The following CACNA1C variants were observed in gnomAD, a reference collection of about 807,000 sequenced individuals.
The protein encoded by CACNA1C is voltage-dependent L-type calcium channel subunit alpha-1C.
Under a neutral mutation model 229.0 loss-of-function variants are expected in CACNA1C, and 30 were observed. The ratio of observed to expected loss-of-function variants is 0.13; its 90% CI spans 0.10 to 0.18. CACNA1C has a LOEUF of 0.18. Among genes scored for constraint, CACNA1C ranks in the 10% least tolerant of loss-of-function variants. The pLI is 1.00. For synonymous variants in CACNA1C, 1,114 were observed against 1,132.5 expected, an observed-to-expected ratio of 0.98 and a Z score of 0.33; for missense variants, 1,658 against 2,845.0, an observed-to-expected ratio of 0.58 and a Z score of 9.49.
At chr12:2,364,102 G>C (rs1355591061) in intron 3 of CACNA1C, among the ~76,000 whole-genome samples, 4 of 152,146 alleles carry the variant, frequency 2.6e-5, no homozygotes, top group African/African-American at 4.8e-5. Context: ...CCAGCCCCAA[G>C]GTCCACTGCA....
chr12:2,312,645 C>A (rs948411375), intron 3 of CACNA1C, among the ~76,000 whole-genome samples: 1 of 152,114 alleles, frequency 6.6e-6, no homozygotes, highest in Non-Finnish European at 1.5e-5. Context: ...AGGATAATGC[C>A]CAGAACTAAA....
intron 3 of CACNA1C, among the ~76,000 whole-genome samples, chr12:2,418,269 T>C (rs1236963207): frequency 6.6e-6 from 1 of 152,172 alleles, no homozygotes; most frequent in Non-Finnish European, 1.5e-5. Context: ...CTTTTGCCTT[T>C]GGATGGGGTC....
Position 2,639,742 on chromosome 12 carries a change from T to A in CACNA1C, c.3912+5362T>A, listed in dbSNP as rs557743401. ...GGTGTTTCCTGTCATCAGGCGCCCA[T>A]GGTGTCATGGGGATGCTTCCTCCAG... On this transcript the variant is annotated intron_variant, in intron 30 of 46. Coordinates refer to ENST00000399655, the MANE Select transcript of CACNA1C (RefSeq NM_000719.7). The surrounding 1 kb of genome is among the most constrained non-coding windows in gnomAD (Gnocchi z 4.2). Among the ~76,000 whole-genome samples, 1 of 152,230 alleles carries A rather than the reference T, an allele frequency of 6.6e-6. No individual in the cohort carries two copies. The highest frequency in any genetic ancestry group is 2.1e-4 in the South Asian group (1 of 4,806).
At chr12:2,059,586 C>T (rs1024060078) in intron 1 of CACNA1C, among the ~76,000 whole-genome samples, 1 of 152,054 alleles carries the variant, frequency 6.6e-6, no homozygotes, top group African/African-American at 2.4e-5. Context: ...AAATGGGCTT[C>T]TTGTGCTATA....
At chr12:2,052,473 C>A (rs996177557), upstream of CACNA1C, among the ~76,000 whole-genome samples, 1 of 151,986 alleles carries the variant, frequency 6.6e-6, no homozygotes, top group Non-Finnish European at 1.5e-5. Context: ...CCTTGGAATT[C>A]CGCTCACAGA....
intron 9 of CACNA1C, among the ~76,000 whole-genome samples, chr12:2,513,328 G>A (rs1003208263): frequency 1.8e-4 from 28 of 152,250 alleles, no homozygotes; most frequent in African/African-American, 5.8e-4. Flanking sequence ...GTTTGAAAGC[G>A]CAGGCTTGTT....
intron 1 of CACNA1C, among the ~76,000 whole-genome samples, chr12:2,100,985 A>G (rs1321992441): frequency 6.8e-6 from 1 of 146,188 alleles, no homozygotes; most frequent in Non-Finnish European, 1.5e-5. Flanking sequence ...CTGGGCGACA[A>G]GGGTGAGACC....
intron 3 of CACNA1C, among the ~76,000 whole-genome samples, chr12:2,334,048 C>A (rs749750572): frequency 6.6e-6 from 1 of 152,182 alleles, no homozygotes; most frequent in Non-Finnish European, 1.5e-5. Flanking sequence ...CACCCTGGGG[C>A]AAGGAGATGG....
intron 29 of CACNA1C, among the ~76,000 whole-genome samples, chr12:2,618,075 G>C (rs2081510429): frequency 6.6e-6 from 1 of 152,226 alleles, no homozygotes; most frequent in Non-Finnish European, 1.5e-5. Context: ...GGAGGCTGAG[G>C]GTCCGGATTG....
chr12:2,171,238 G>A (rs1435917743), intron 3 of CACNA1C, among the ~76,000 whole-genome samples: 2 of 152,186 alleles, frequency 1.3e-5, no homozygotes, highest in African/African-American at 4.8e-5. Flanking sequence ...AGTGTCTGAT[G>A]GAACAGGACT....
At position 2,678,171 on chromosome 12, in the gene CACNA1C, G is replaced by A. The variant is rs1314097028; in HGVS notation, c.5091+304G>A. On this transcript the variant is annotated intron_variant, in intron 41 of 46. Coordinates refer to ENST00000399655, the MANE Select transcript of CACNA1C (RefSeq NM_000719.7). The surrounding 1 kb of genome is among the most constrained non-coding windows in gnomAD (Gnocchi z 4.1). ...AAACTTCTGCATTAGAAGTTGCAGAGTGGTCACCCCTGGGGCACATCTAAT... is the reference window on the plus strand; with the variant it reads ...AAACTTCTGCATTAGAAGTTGCAGAATGGTCACCCCTGGGGCACATCTAAT... Among the ~76,000 whole-genome samples the A allele has an allele frequency of 6.6e-6, 1 of 152,210 alleles. No homozygotes were observed. Among genetic ancestry groups the A allele is most frequent in the Non-Finnish European group, 1.5e-5 (1 of 68,042 alleles).
At chr12:2,594,788 G>A (rs552852994) in intron 19 of CACNA1C, among the ~76,000 whole-genome samples, 1 of 152,300 alleles carries the variant, frequency 6.6e-6, no homozygotes, top group East Asian at 1.9e-4. Flanking sequence ...TCATTTGTGA[G>A]AGTCCTGAAG....
At chr12:2,540,269 C>T (rs2099866373) in intron 9 of CACNA1C, among the ~76,000 whole-genome samples, 1 of 152,154 alleles carries the variant, frequency 6.6e-6, no homozygotes, top group African/African-American at 2.4e-5. Context: ...CCCCTTAAAA[C>T]CCCATGATGA....
At chr12:2,196,836 G>A (rs1476037775) in intron 3 of CACNA1C, among the ~76,000 whole-genome samples, 1 of 152,194 alleles carries the variant, frequency 6.6e-6, no homozygotes, top group Non-Finnish European at 1.5e-5. Flanking sequence ...ATGGTCATGG[G>A]TGTGTGCAGC....
At chr12:2,648,631 G>A in intron 31 of CACNA1C, 124 bp downstream of exon 31, 1 of 789,668 alleles carries the variant, frequency 1.3e-6, no homozygotes. Flanking sequence ...TGTGGCCACT[G>A]TGTCTGCCGT....
At chr12:2,224,240 T>C (rs1264139552) in intron 3 of CACNA1C, among the ~76,000 whole-genome samples, 1 of 152,194 alleles carries the variant, frequency 6.6e-6, no homozygotes, top group Non-Finnish European at 1.5e-5. Context: ...TTTATTCTGA[T>C]AAACCTGACT....
intron 3 of CACNA1C, among the ~76,000 whole-genome samples, chr12:2,431,311 A>G (rs1416793081): frequency 1.3e-5 from 2 of 152,092 alleles, no homozygotes; most frequent in African/African-American, 4.8e-5. Context: ...ATATACTCCA[A>G]CGTCTTCATT....
chr12:2,432,121 A>C (rs1432884246), intron 3 of CACNA1C, among the ~76,000 whole-genome samples: 1 of 152,176 alleles, frequency 6.6e-6, no homozygotes, highest in Non-Finnish European at 1.5e-5. Flanking sequence ...GACACCCACA[A>C]AAAAAAGCCA....
intron 3 of CACNA1C, among the ~76,000 whole-genome samples, chr12:2,445,728 A>G (rs1289389203): frequency 6.6e-6 from 1 of 152,166 alleles, no homozygotes; most frequent in African/African-American, 2.4e-5. Context: ...AGCAAGAGAA[A>G]GCAGCCTGTC....
Sources: gnomAD v4.1 joint callset for allele counts (sites outside exome capture counted in the v4.1 genomes callset) on GRCh38, gnomAD v4.1.1 for gene constraint, Gnocchi (gnomAD v3.1) non-coding constraint, MANE v1.5 for transcripts, NCBI Gene and HGNC (gene_info 2026-07-23, HGNC 2026-07-21) for gene names.